IL1RAPL1: variants seen among roughly 807,000 people sequenced by gnomAD.
IL1RAPL1 encodes the protein interleukin 1 receptor accessory protein like 1, also known as interleukin-1 receptor accessory protein-like 1.
In IL1RAPL1, 3 loss-of-function variants were observed where a neutral mutation model predicts 48.4. The ratio of observed to expected loss-of-function variants is 0.06; its 90% CI spans 0.03 to 0.16. IL1RAPL1 has a LOEUF of 0.16. Among genes scored for constraint, IL1RAPL1 ranks in the 10% least tolerant of loss-of-function variants. IL1RAPL1 has a pLI of 1.00. For missense variants in IL1RAPL1, 349 were observed against 530.6 expected, an observed-to-expected ratio of 0.66 and a Z score of 3.36; for synonymous variants, 185 against 187.7, an observed-to-expected ratio of 0.99 and a Z score of 0.12.
At chrX:29,418,119 A>ATTTTT (rs1225091387) in intron 5 of IL1RAPL1, among the ~76,000 whole-genome samples, 4 of 30,927 alleles carry the variant, frequency 1.3e-4, no homozygotes, top group African/African-American at 5.3e-4. Context: ...ATATATATAT[A>ATTTTT]TATATATTTT....
chrX:29,025,365 C>A (rs960224694), intron 2 of IL1RAPL1, among the ~76,000 whole-genome samples: 1 of 111,268 alleles, frequency 9.0e-6, no homozygotes, highest in African/African-American at 3.3e-5. Flanking sequence ...CTTGGAGGAC[C>A]ACATAGCCTC....
At chrX:29,667,151 G>A (rs1203817714) in intron 5 of IL1RAPL1, among the ~76,000 whole-genome samples, 10 of 112,081 alleles carry the variant, frequency 8.9e-5, no homozygotes, top group South Asian at 7.3e-4. Context: ...TTGTTAAATA[G>A]TAATAAAGAT....
In IL1RAPL1 at chrX:28,805,708, C is replaced by T. The variant is rs937349679; in HGVS notation, c.82+16283C>T. Reference sequence around the variant, plus strand: ...TTCACAAAACACACTTGTATTGCAGCTTTCCTATATGCCAGTTGCTGAGGA... The same window carrying T: ...TTCACAAAACACACTTGTATTGCAGTTTTCCTATATGCCAGTTGCTGAGGA... On this transcript the variant is annotated intron_variant, in intron 2 of 10. Transcript: ENST00000378993. Among the ~76,000 whole-genome samples the T allele has an allele frequency of 2.7e-5, 3 of 111,274 alleles. No homozygotes were observed. In the Admixed American group the frequency reaches 2.9e-4, roughly 11 times the overall value.
intron 6 of IL1RAPL1, among the ~76,000 whole-genome samples, chrX:29,885,540 G>A (rs4829343): frequency 9.0e-6 from 1 of 110,629 alleles, no homozygotes; most frequent in African/African-American, 3.3e-5. Context: ...GACGGGCATG[G>A]TGGCTCATGC....
At chrX:29,282,138 C>T (rs763730539) in intron 2 of IL1RAPL1, among the ~76,000 whole-genome samples, 3 of 111,688 alleles carry the variant, frequency 2.7e-5, no homozygotes, top group African/African-American at 9.8e-5. Flanking sequence ...AGGGTTAAGG[C>T]GTCAACATAT....
chrX:28,990,432 A>G (rs1488388249), intron 2 of IL1RAPL1, among the ~76,000 whole-genome samples: 2 of 112,079 alleles, frequency 1.8e-5, no homozygotes, highest in Non-Finnish European at 3.8e-5. Flanking sequence ...AATGTGAATT[A>G]ATCTGAAATC....
intron 1 of IL1RAPL1, among the ~76,000 whole-genome samples, chrX:28,718,282 G>A (rs888343086): frequency 1.4e-4 from 16 of 111,188 alleles, no homozygotes; most frequent in East Asian, 2.8e-4. Flanking sequence ...TTAAAATATC[G>A]TATAATGTTC....
chrX:29,953,051 A>G (rs1933348873), intron 9 of IL1RAPL1, among the ~76,000 whole-genome samples: 1 of 112,152 alleles, frequency 8.9e-6, no homozygotes, highest in Non-Finnish European at 1.9e-5. Flanking sequence ...CCTTGAAGTC[A>G]AAAGGATTGT....
intron 1 of IL1RAPL1, among the ~76,000 whole-genome samples, chrX:28,610,316 G>A (rs1399901482): frequency 2.7e-5 from 3 of 111,787 alleles, no homozygotes; most frequent in Non-Finnish European, 5.6e-5. Flanking sequence ...CCTGTACCTC[G>A]CCCATCCAAG....
At chrX:28,825,446 C>G (rs1936983367) in intron 2 of IL1RAPL1, among the ~76,000 whole-genome samples, 1 of 111,085 alleles carries the variant, frequency 9.0e-6, no homozygotes, top group Non-Finnish European at 1.9e-5. Flanking sequence ...TTCCGTGCCC[C>G]TAATGCTTGA....
chrX:29,581,478 G>A lies in IL1RAPL1; in HGVS notation c.704-86952G>A, dbSNP rs763051837. On this transcript the variant is annotated intron_variant, in intron 5 of 10. Transcript: ENST00000378993. ...GCCATATCTCCTAGGCCTCTGCCAG[G>A]ACAGAGTGCCACAGAACTGTCAGAT... 3.5e-3 allele frequency among the ~76,000 whole-genome samples: 391 copies of A among 111,664 alleles called. 4 individuals are homozygous for A. The highest frequency in any genetic ancestry group is 8.0e-3 in the Admixed American group (84 of 10,493).
intron 6 of IL1RAPL1, among the ~76,000 whole-genome samples, chrX:29,868,698 A>G: frequency 8.9e-6 from 1 of 112,500 alleles, no homozygotes; most frequent in Non-Finnish European, 1.9e-5. Flanking sequence ...AGTGGACAAA[A>G]TACTGCATAT....
At chrX:28,925,434 T>C (rs186347005) in intron 2 of IL1RAPL1, among the ~76,000 whole-genome samples, 1 of 111,808 alleles carries the variant, frequency 8.9e-6, no homozygotes. Context: ...TATCAACTTT[T>C]ACTGTTGTGG....
At chrX:29,126,915 T>C (rs976227873) in intron 2 of IL1RAPL1, among the ~76,000 whole-genome samples, 6 of 111,575 alleles carry the variant, frequency 5.4e-5, no homozygotes, top group Non-Finnish European at 9.4e-5. Flanking sequence ...CTTCAAAGAA[T>C]GAAGAACAAC....
intron 5 of IL1RAPL1, among the ~76,000 whole-genome samples, chrX:29,406,356 T>C (rs751177105): frequency 9.3e-6 from 1 of 107,462 alleles, no homozygotes; most frequent in East Asian, 2.9e-4. Context: ...GACACTGCAC[T>C]CCAGACTGGG....
chrX:29,167,076 A>G (rs748371305), intron 2 of IL1RAPL1, among the ~76,000 whole-genome samples: 31 of 111,888 alleles, frequency 2.8e-4, no homozygotes, highest in Non-Finnish European at 5.1e-4. Flanking sequence ...TTATTGTTAA[A>G]TTTTATGCTA....
At chrX:28,656,007 A>T (rs752419649) in intron 1 of IL1RAPL1, among the ~76,000 whole-genome samples, 4 of 111,909 alleles carry the variant, frequency 3.6e-5, no homozygotes, top group Non-Finnish European at 7.5e-5. Flanking sequence ...CATGTAAAAA[A>T]TTTCTTATTT....
At chrX:29,900,947 C>T (rs776434272) in intron 6 of IL1RAPL1, among the ~76,000 whole-genome samples, 2 of 111,809 alleles carry the variant, frequency 1.8e-5, no homozygotes, top group African/African-American at 3.2e-5. Flanking sequence ...TTATTTCTCT[C>T]GATAAATAAA....
chrX:29,577,572 G>A (rs1326192194), intron 5 of IL1RAPL1, among the ~76,000 whole-genome samples: 1 of 112,041 alleles, frequency 8.9e-6, no homozygotes, highest in Non-Finnish European at 1.9e-5. Flanking sequence ...ATGAAGAGAT[G>A]CAGCTGTATG....
Sources: gnomAD v4.1 joint callset for allele counts (sites outside exome capture counted in the v4.1 genomes callset) on GRCh38, gnomAD v4.1.1 for gene constraint, MANE v1.5 for transcripts, NCBI Gene and HGNC (gene_info 2026-07-23, HGNC 2026-07-21) for gene names.